The following TCP11L1 variants were observed in gnomAD, a reference collection of about 807,000 sequenced individuals.
TCP11L1 encodes the protein T-complex protein 11-like protein 1.
In TCP11L1, 28 loss-of-function variants were observed where a neutral mutation model predicts 48.9. The ratio of observed to expected loss-of-function variants is 0.57; its 90% confidence interval spans 0.42 to 0.78. The LOEUF is 0.78. Ranked by LOEUF, TCP11L1 falls within the 30% of genes least tolerant of loss-of-function variation. The pLI, the probability that TCP11L1 is intolerant of heterozygous loss-of-function variation, is 0.00. For synonymous variants in TCP11L1, 204 were observed against 231.9 expected, an observed-to-expected ratio of 0.88 and a Z score of 1.09; for missense variants, 505 against 613.4, an observed-to-expected ratio of 0.82 and a Z score of 1.87.
chr11:33,042,962 A>C (rs1853882591), intron 1 of TCP11L1, among the ~76,000 whole-genome samples: 1 of 152,256 alleles, frequency 6.6e-6, no homozygotes, highest in Non-Finnish European at 1.5e-5. Context: ...GCTACTCAGA[A>C]GGCTGAGGCA....
rs1192612080 is a variant in TCP11L1, at chr11:33,061,478, G to T, written c.776-52G>T. 13 of 1,496,842 alleles carry T rather than the reference G, an allele frequency of 8.7e-6. No homozygotes were observed. In the Admixed American group the frequency reaches 2.5e-4, roughly 29 times the overall value. The allele number at this position is 1,496,842 out of a possible 1,614,324, so 92.7% of individuals were successfully genotyped here. On this transcript the variant is annotated intron_variant, in intron 6 of 9. Transcript: ENST00000334274. Reference sequence around the variant, plus strand: ...TCGATTGTCCCTTAAGTAATTCCGAGAAGCATCCCTTCTTGGTGTCAAGGT... The same window carrying T: ...TCGATTGTCCCTTAAGTAATTCCGATAAGCATCCCTTCTTGGTGTCAAGGT...
At chr11:33,064,156 A>T (rs1435713482) in intron 7 of TCP11L1, among the ~76,000 whole-genome samples, 1 of 152,056 alleles carries the variant, frequency 6.6e-6, no homozygotes, top group African/African-American at 2.4e-5. Flanking sequence ...ATAAATAGAA[A>T]AGAAAAGAAA....
intron 8 of TCP11L1, 99 bp from the exon 9 acceptor site, chr11:33,068,588 C>T (rs1460141342): frequency 7.0e-7 from 1 of 1,425,512 alleles, no homozygotes; most frequent in African/African-American, 1.4e-5. Context: ...ACACACAAAT[C>T]CAGTTATTGG....
At chr11:33,062,628 T>C (rs1854500319) in intron 7 of TCP11L1, among the ~76,000 whole-genome samples, 1 of 152,202 alleles carries the variant, frequency 6.6e-6, no homozygotes, top group Admixed American at 6.5e-5. Flanking sequence ...CATTTTTCCT[T>C]CTGTGAAACT....
chr11:33,045,537 AAAAT>A (rs1055602682), intron 2 of TCP11L1, among the ~76,000 whole-genome samples: 1 of 152,020 alleles, frequency 6.6e-6, no homozygotes, highest in Non-Finnish European at 1.5e-5. Flanking sequence ...AAAAATAAAA[AAAAT>A]AAAGAGGCCA....
chr11:33,051,837 G>C (rs7114592), intron 2 of TCP11L1, among the ~76,000 whole-genome samples: 62,275 of 151,774 alleles, frequency 0.41, 12,959 homozygotes, highest in African/African-American at 0.48. Flanking sequence ...TATCCTTATG[G>C]GAAAAATACA....
At position 33,054,666 on chromosome 11, in the gene TCP11L1, C is replaced by T; in HGVS notation, c.237C>T (p.Ala79=). ...TARGVTNMAL[A]HEIVVNGDFQ... is the part of the protein sequence containing the mutation. Reference sequence around the variant, plus strand: ...GAGGTGTCACCAACATGGCTCTAGCCCATGAAATTGTAGTAAATGGAGACT... The same window carrying T: ...GAGGTGTCACCAACATGGCTCTAGCTCATGAAATTGTAGTAAATGGAGACT... Residue 79 remains alanine (A), a synonymous_variant, in exon 3 of 10, where the codon GCC becomes GCT. Coordinates refer to ENST00000334274, the MANE Select transcript of TCP11L1 (RefSeq NM_018393.4). 6.2e-7 allele frequency: 1 copy of T among 1,613,750 alleles called. No homozygotes were observed. The highest frequency in any genetic ancestry group is 1.3e-5 in the African/African-American group (1 of 74,994).
At chr11:33,056,495 A>C (rs1427896643) in intron 3 of TCP11L1, 1 of 154,488 alleles carries the variant, frequency 6.5e-6, no homozygotes, top group Non-Finnish European at 1.4e-5. Flanking sequence ...CATGTATCAC[A>C]TGGAAATATG....
At chr11:33,060,747 C>G (rs530383810) in intron 6 of TCP11L1, among the ~76,000 whole-genome samples, 36 of 152,256 alleles carry the variant, frequency 2.4e-4, no homozygotes, top group African/African-American at 6.7e-4. Flanking sequence ...AGGTTAAGAT[C>G]TAAACAAGGA....
At chr11:33,049,921 C>A (rs957452822) in intron 2 of TCP11L1, among the ~76,000 whole-genome samples, 1 of 152,308 alleles carries the variant, frequency 6.6e-6, no homozygotes, top group African/African-American at 2.4e-5. Context: ...ATATCTCAGG[C>A]TATTGCATGG....
intron 2 of TCP11L1, among the ~76,000 whole-genome samples, chr11:33,049,071 G>GA (rs1300556464): frequency 6.6e-6 from 1 of 152,140 alleles, no homozygotes; most frequent in Non-Finnish European, 1.5e-5. Flanking sequence ...CCAACATGGT[G>GA]AAACCCTGTC....
In TCP11L1 at chr11:33,046,722, G is replaced by A. The variant is rs370882076; in HGVS notation, c.163+2786G>A. 2.8e-4 allele frequency among the ~76,000 whole-genome samples: 43 copies of A among 152,306 alleles called. 1 individual carries two copies. In the South Asian group the frequency reaches 7.7e-3, roughly 27 times the overall value. On this transcript the variant is annotated intron_variant, in intron 2 of 9. Transcript: ENST00000334274. The stretch of plus-strand genomic sequence containing the variant: ...CATTATCTGGGCATCAGGTAAGGAA[G>A]CATTATTGAACACATAGAGCATAAA...
intron 2 of TCP11L1, among the ~76,000 whole-genome samples, chr11:33,053,785 A>G (rs1027199277): frequency 6.6e-6 from 1 of 152,216 alleles, no homozygotes; most frequent in East Asian, 1.9e-4. Flanking sequence ...AAACAGCACC[A>G]TCGGCACCCT....
intron 4 of TCP11L1, 25 bp from the exon 5 acceptor site, chr11:33,057,894 T>G: frequency 6.4e-7 from 1 of 1,567,334 alleles, no homozygotes; most frequent in African/African-American, 1.4e-5. Context: ...GAATTTTGAT[T>G]AAACGTAGCT....
intron 9 of TCP11L1, among the ~76,000 whole-genome samples, chr11:33,069,659 A>G (rs1379034914): frequency 1.3e-5 from 2 of 151,992 alleles, no homozygotes; most frequent in Non-Finnish European, 2.9e-5. Flanking sequence ...CAGTGATGCG[A>G]TCTCGGCTCA....
At chr11:33,071,839 C>G (rs1480196830) in intron 9 of TCP11L1, among the ~76,000 whole-genome samples, 2 of 151,938 alleles carry the variant, frequency 1.3e-5, no homozygotes. Flanking sequence ...TGCATTCATT[C>G]ATTTTTTTTG....
chr11:33,045,540 AT>A (rs895238041), intron 2 of TCP11L1, among the ~76,000 whole-genome samples: 2 of 152,038 alleles, frequency 1.3e-5, no homozygotes, highest in Non-Finnish European at 2.9e-5. Flanking sequence ...AATAAAAAAA[AT>A]AAAGAGGCCA....
At position 33,072,491 on chromosome 11, in the gene TCP11L1, T is replaced by C. The variant is rs749250968; in HGVS notation, c.1345T>C (p.Phe449Leu). The part of the protein sequence containing the change: ...RRIMESRILT[F>L]LETYLASGHQ... ...TGTCACAGAATCTCGAATCCTGACC[T>C]TCTTAGAAACCTACCTTGCCTCGGG... is the stretch of plus-strand genomic sequence containing the variant. The change falls in exon 10 of 10, where the codon TTC becomes CTC. Residue 449 changes from phenylalanine (F) to leucine (L), a missense_variant. By Grantham distance (22) the Phe-to-Leu change is conservative (BLOSUM62 0). This residue lies in a region of TCP11L1 where 335 missense variants were observed against 413.3 expected (regional missense o/e 0.81). Coordinates refer to ENST00000334274, the MANE Select transcript of TCP11L1 (RefSeq NM_018393.4). 3 of 1,614,044 alleles carry C rather than the reference T, an allele frequency of 1.9e-6. No homozygotes were observed. The highest frequency in any genetic ancestry group is 1.3e-5 in the African/African-American group (1 of 74,916).
intron 7 of TCP11L1, among the ~76,000 whole-genome samples, chr11:33,064,850 A>C (rs1671507119): frequency 6.6e-6 from 1 of 152,214 alleles, no homozygotes; most frequent in African/African-American, 2.4e-5. Flanking sequence ...GGCTATTCAC[A>C]GGCATAATCG....
Sources: gnomAD v4.1 joint callset for allele counts (sites outside exome capture counted in the v4.1 genomes callset) on GRCh38, gnomAD v4.1.1 for gene constraint, gnomAD v4.1.1 regional missense constraint, MANE v1.5 for transcripts, NCBI Gene and HGNC (gene_info 2026-07-23, HGNC 2026-07-21) for gene names.